Variants in LPP observed in about 807,000 individuals in gnomAD.
LPP encodes the protein lipoma-preferred partner.
A neutral mutation model predicts 60.4 loss-of-function variants in LPP; 38 were observed. That is an observed-to-expected ratio of 0.63 (90% confidence interval 0.49 to 0.83). The LOEUF (loss-of-function observed/expected upper bound fraction) is 0.83, where lower values mean the gene tolerates loss of function less well. Among genes scored for constraint, LPP ranks in the 40% least tolerant of loss-of-function variants. The pLI is 0.00. For missense variants in LPP, 902 were observed against 783.6 expected, an observed-to-expected ratio of 1.15 and a Z score of -1.80; for synonymous variants, 328 against 290.8, an observed-to-expected ratio of 1.13 and a Z score of -1.30.
intron 1 of LPP, among the ~76,000 whole-genome samples, chr3:188,215,796 C>T (rs908198298): frequency 3.3e-5 from 5 of 152,188 alleles, no homozygotes; most frequent in Non-Finnish European, 7.3e-5. Flanking sequence ...CTAAGAATGG[C>T]ATGTGATCAG....
intron 7 of LPP, among the ~76,000 whole-genome samples, chr3:188,643,756 T>G (rs1003562335): frequency 2.0e-5 from 3 of 152,136 alleles, no homozygotes; most frequent in African/African-American, 7.2e-5. Context: ...TTCAGTAGCG[T>G]CTATGTGCTA....
intron 9 of LPP, among the ~76,000 whole-genome samples, chr3:188,768,229 C>T (rs932877618): frequency 6.6e-6 from 1 of 152,086 alleles, no homozygotes; most frequent in Non-Finnish European, 1.5e-5. Context: ...CTCCAAAGAA[C>T]AAATGATTTC....
At chr3:188,692,249 G>T (rs954152332) in intron 7 of LPP, among the ~76,000 whole-genome samples, 1 of 152,134 alleles carries the variant, frequency 6.6e-6, no homozygotes, top group African/African-American at 2.4e-5. Context: ...CCTCATATAT[G>T]GGTTGACTTT....
chr3:188,571,598 C>A (rs927044050), intron 6 of LPP, among the ~76,000 whole-genome samples: 1 of 151,990 alleles, frequency 6.6e-6, no homozygotes, highest in South Asian at 2.1e-4. Flanking sequence ...AAGTCTTATG[C>A]CCCCACCATC....
chr3:188,785,931 C>G (rs1327653423), intron 9 of LPP, among the ~76,000 whole-genome samples: 1 of 152,044 alleles, frequency 6.6e-6, no homozygotes, highest in African/African-American at 2.4e-5. Flanking sequence ...CCCTCATATC[C>G]TCCCAAGCTT....
intron 2 of LPP, among the ~76,000 whole-genome samples, chr3:188,331,723 T>C (rs1760135735): frequency 6.6e-6 from 1 of 152,182 alleles, no homozygotes; most frequent in African/African-American, 2.4e-5. Flanking sequence ...AGGGACTCCC[T>C]CAAGGCCACA....
intron 2 of LPP, among the ~76,000 whole-genome samples, chr3:188,285,716 C>T (rs1743685954): frequency 6.6e-6 from 1 of 152,112 alleles, no homozygotes; most frequent in South Asian, 2.1e-4. Context: ...TTTTAATATT[C>T]TGCCCTGTGC....
chr3:188,826,526 T>C (rs73888925), intron 9 of LPP, among the ~76,000 whole-genome samples: 4,895 of 152,258 alleles, frequency 0.032, 264 homozygotes, highest in African/African-American at 0.11. Flanking sequence ...AGATTGCTAC[T>C]CTAGGCCATC....
intron 4 of LPP, among the ~76,000 whole-genome samples, chr3:188,412,459 T>G (rs972810725): frequency 1.5e-4 from 23 of 152,186 alleles, no homozygotes; most frequent in African/African-American, 5.5e-4. Flanking sequence ...CAGTAGAAAA[T>G]TCTTACTGTC....
chr3:188,218,920 T>C (rs527677559), intron 1 of LPP, among the ~76,000 whole-genome samples: 1 of 152,328 alleles, frequency 6.6e-6, no homozygotes, highest in South Asian at 2.1e-4. Context: ...GAAAACAATT[T>C]GGCACAAAAA....
intron 6 of LPP, among the ~76,000 whole-genome samples, chr3:188,588,861 G>A (rs753317524): frequency 3.9e-5 from 6 of 152,050 alleles, no homozygotes; most frequent in Admixed American, 6.6e-5. Flanking sequence ...ACGCACCTCC[G>A]AAGATACGGC....
intron 3 of LPP, among the ~76,000 whole-genome samples, chr3:188,404,895 C>A (rs898866944): frequency 6.6e-6 from 1 of 152,190 alleles, no homozygotes; most frequent in Non-Finnish European, 1.5e-5. Context: ...CCCTCCTCGG[C>A]AGCAGCCTCT....
chr3:188,527,956 A>T (rs894282615), intron 6 of LPP, among the ~76,000 whole-genome samples: 2 of 152,078 alleles, frequency 1.3e-5, no homozygotes, highest in African/African-American at 4.8e-5. Flanking sequence ...TTTATAAAAA[A>T]TCCTCCATGA....
intron 2 of LPP, among the ~76,000 whole-genome samples, chr3:188,331,556 A>G (rs1006281276): frequency 2.6e-5 from 4 of 152,180 alleles, no homozygotes; most frequent in African/African-American, 7.2e-5. Flanking sequence ...GTCCCCAGAT[A>G]CTCAAAGATA....
chr3:188,194,466 C>T (rs1159508087), intron 1 of LPP, among the ~76,000 whole-genome samples: 4 of 152,164 alleles, frequency 2.6e-5, no homozygotes, highest in African/African-American at 4.8e-5. Flanking sequence ...CTCCCAGGCT[C>T]ACTCCGTCCT....
chr3:188,381,262 C>G (rs576862666), intron 3 of LPP, among the ~76,000 whole-genome samples: 1 of 152,234 alleles, frequency 6.6e-6, no homozygotes, highest in East Asian at 1.9e-4. Flanking sequence ...CCTTTTTGAC[C>G]TTTACTTCTG....
intron 6 of LPP, among the ~76,000 whole-genome samples, chr3:188,596,479 A>T (rs1333329062): frequency 6.6e-6 from 1 of 152,208 alleles, no homozygotes. Flanking sequence ...ATCAGTGGAC[A>T]GACAACTCCA....
chr3:188,427,917 G>A (rs567200138), intron 4 of LPP, among the ~76,000 whole-genome samples: 2 of 152,186 alleles, frequency 1.3e-5, no homozygotes, highest in African/African-American at 4.8e-5. Flanking sequence ...CCAGGGGAGT[G>A]AACGGTTCTG....
intron 5 of LPP, among the ~76,000 whole-genome samples, chr3:188,495,082 A>ATATATATATATATATTTT (rs1342207321): frequency 2.1e-5 from 2 of 97,270 alleles, no homozygotes; most frequent in African/African-American, 4.0e-5. Context: ...ATATATATAT[A>ATATATATATATATATTTT]TTTTATTTAT....
Sources: allele counts gnomAD v4.1 joint callset (sites outside exome capture counted in the v4.1 genomes callset), GRCh38; gene constraint gnomAD v4.1.1; transcripts MANE v1.5; gene names NCBI Gene and HGNC (gene_info 2026-07-23, HGNC 2026-07-21).